The following PLCB1 variants were observed in gnomAD, a reference collection of about 807,000 sequenced individuals.
The protein encoded by PLCB1 is 1-phosphatidylinositol 4,5-bisphosphate phosphodiesterase beta-1.
PLCB1 carries 46 observed loss-of-function variants against 161.8 expected under a neutral mutation model. The observed-to-expected ratio is 0.28, with a 90% CI of 0.22 to 0.36. The LOEUF (loss-of-function observed/expected upper bound fraction) is 0.36. PLCB1 is among the 10% of genes least tolerant of loss of function. The pLI, the probability that PLCB1 is intolerant of heterozygous loss-of-function variation, is 1.00. For missense variants in PLCB1, 1,016 were observed against 1,472.5 expected (o/e 0.69, Z 5.07); for synonymous variants, 517 against 503.7 (o/e 1.03, Z -0.35).
At chr20:8,630,921 C>T (rs1424523726) in intron 4 of PLCB1, among the ~76,000 whole-genome samples, 1 of 152,154 alleles carries the variant, frequency 6.6e-6, no homozygotes, top group Non-Finnish European at 1.5e-5. Flanking sequence ...ATTTTTATCT[C>T]CAATCCCTGT....
intron 3 of PLCB1, among the ~76,000 whole-genome samples, chr20:8,413,121 C>T (rs146705205): frequency 6.6e-6 from 1 of 152,156 alleles, no homozygotes; most frequent in East Asian, 1.9e-4. Context: ...TCATAGCTAC[C>T]ACCTTGGAAT....
At chr20:8,721,326 C>A (rs1979620409) in intron 14 of PLCB1, among the ~76,000 whole-genome samples, 1 of 152,184 alleles carries the variant, frequency 6.6e-6, no homozygotes. Flanking sequence ...CGTGCTATTG[C>A]ATTGTGTGAG....
At chr20:8,525,267 A>G (rs1984536865) in intron 3 of PLCB1, among the ~76,000 whole-genome samples, 1 of 149,516 alleles carries the variant, frequency 6.7e-6, no homozygotes, top group Admixed American at 6.7e-5. Context: ...AAAAAAAAAA[A>G]GGAGCTAATT....
chr20:8,150,396 T>TA, intron 2 of PLCB1, 25 bp downstream of exon 2: 1 of 1,158,652 alleles, frequency 8.6e-7, no homozygotes, highest in East Asian at 2.4e-5. Flanking sequence ...ATGCCTTTCT[T>TA]ACATTTTTCA....
At chr20:8,702,771 T>A (rs77294010) in intron 11 of PLCB1, among the ~76,000 whole-genome samples, 14,937 of 152,222 alleles carry the variant, frequency 0.098, 1,071 homozygotes, top group East Asian at 0.33. Flanking sequence ...TTACAGCAAG[T>A]ATGAAAGAAT....
At chr20:8,550,248 G>A (rs987332242) in intron 3 of PLCB1, among the ~76,000 whole-genome samples, 1 of 152,128 alleles carries the variant, frequency 6.6e-6, no homozygotes, top group African/African-American at 2.4e-5. Context: ...GAAATGTGAG[G>A]ACATGAGATT....
intron 2 of PLCB1, among the ~76,000 whole-genome samples, chr20:8,191,410 C>G (rs1035078387): frequency 2.6e-5 from 4 of 151,970 alleles, no homozygotes; most frequent in African/African-American, 9.7e-5. Context: ...ACCAAGATAT[C>G]AATCCACTTA....
At chr20:8,331,828 G>A (rs1394103176) in intron 2 of PLCB1, among the ~76,000 whole-genome samples, 1 of 152,148 alleles carries the variant, frequency 6.6e-6, no homozygotes, top group Non-Finnish European at 1.5e-5. Context: ...GATTTTTTGT[G>A]TTTGCTTCAT....
intron 12 of PLCB1, among the ~76,000 whole-genome samples, chr20:8,715,091 C>T (rs1212537715): frequency 6.6e-6 from 1 of 152,156 alleles, no homozygotes; most frequent in Non-Finnish European, 1.5e-5. Flanking sequence ...CAGTCACAGT[C>T]CTGCTAAAAT....
chr20:8,721,459 G>T (rs1200017944), intron 14 of PLCB1, among the ~76,000 whole-genome samples: 1 of 152,140 alleles, frequency 6.6e-6, no homozygotes, highest in African/African-American at 2.4e-5. Flanking sequence ...GAAGCCCATA[G>T]CTATGGAAGA....
rs78169320 is a variant in PLCB1, at chr20:8,581,018, G to C, written c.247-47276G>C. On this transcript the variant is annotated intron_variant, in intron 3 of 31. Coordinates refer to ENST00000338037, the MANE Select transcript of PLCB1 (RefSeq NM_015192.4). ...TAATCCAGAAGCAGGTTGTGATCAA[G>C]GAGGAGCTCAAAGTCTGTACTAAGG... is the stretch of plus-strand genomic sequence containing the variant. Among the ~76,000 whole-genome samples the C allele has an allele frequency of 8.8e-3, 1,347 of 152,298 alleles. 31 individuals carry two copies. The highest frequency in any genetic ancestry group is 0.031 in the African/African-American group (1,295 of 41,548).
intron 10 of PLCB1, among the ~76,000 whole-genome samples, chr20:8,696,812 C>A (rs766313860): frequency 2.6e-5 from 4 of 152,178 alleles, no homozygotes; most frequent in Non-Finnish European, 4.4e-5. Context: ...CGGCTCACTG[C>A]AAGCTCCGCC....
chr20:8,809,904 A>G (rs1600346003), intron 31 of PLCB1, among the ~76,000 whole-genome samples: 2 of 152,126 alleles, frequency 1.3e-5, no homozygotes, highest in African/African-American at 2.4e-5. Flanking sequence ...AATGTCTTCT[A>G]CCTAAAATTG....
intron 3 of PLCB1, among the ~76,000 whole-genome samples, chr20:8,575,077 C>G (rs1205894020): frequency 2.0e-5 from 3 of 152,196 alleles, no homozygotes; most frequent in Admixed American, 2.0e-4. Flanking sequence ...TTTAGTCCAA[C>G]CCATAGATTG....
chr20:8,610,410 T>C (rs1471139636), intron 3 of PLCB1, among the ~76,000 whole-genome samples: 2 of 152,216 alleles, frequency 1.3e-5, no homozygotes, highest in East Asian at 1.9e-4. Flanking sequence ...ATTGTTTTTA[T>C]TTTTTGGCTA....
At chr20:8,628,944 A>T (rs1465054239) in intron 4 of PLCB1, among the ~76,000 whole-genome samples, 1 of 151,264 alleles carries the variant, frequency 6.6e-6, no homozygotes, top group East Asian at 1.9e-4. Flanking sequence ...AAAAAAAAAA[A>T]TAAATAAATA....
intron 11 of PLCB1, among the ~76,000 whole-genome samples, chr20:8,707,059 A>T (rs561133468): frequency 6.6e-6 from 1 of 152,286 alleles, no homozygotes; most frequent in South Asian, 2.1e-4. Flanking sequence ...CTTGCCTTTT[A>T]TAGTGCTTGC....
intron 1 of PLCB1, among the ~76,000 whole-genome samples, chr20:8,147,121 G>T (rs1568569546): frequency 1.3e-5 from 2 of 152,136 alleles, no homozygotes; most frequent in Non-Finnish European, 1.5e-5. Context: ...CCGTGGTTTT[G>T]TAAGTGTGGC....
At chr20:8,229,850 C>A (rs1979908914) in intron 2 of PLCB1, among the ~76,000 whole-genome samples, 1 of 43,438 alleles carries the variant, frequency 2.3e-5, no homozygotes. Flanking sequence ...TGGTGAGAGC[C>A]CATCTCATAA....
Sources: allele counts gnomAD v4.1 joint callset (sites outside exome capture counted in the v4.1 genomes callset), GRCh38; gene constraint gnomAD v4.1.1; transcripts MANE v1.5; gene names NCBI Gene and HGNC (gene_info 2026-07-23, HGNC 2026-07-21).